The following ZEB2 variants were observed in gnomAD, a reference collection of about 807,000 sequenced individuals.
ZEB2 encodes the protein zinc finger E-box binding homeobox 2, also known as zinc finger E-box-binding homeobox 2.
Under a neutral mutation model 99.9 loss-of-function variants are expected in ZEB2, and 6 were observed. The observed-to-expected ratio is 0.06, with a 90% CI of 0.03 to 0.12. The LOEUF (loss-of-function observed/expected upper bound fraction) is 0.12, where lower values mean the gene tolerates loss of function less well. Ranked by LOEUF, ZEB2 falls within the 10% of genes least tolerant of loss-of-function variation. ZEB2 has a pLI of 1.00. For missense variants in ZEB2, 969 were observed against 1,502.8 expected (o/e 0.64, Z 5.87); for synonymous variants, 517 against 542.5 (o/e 0.95, Z 0.65).
At chr2:144,512,400 C>T in intron 2 of ZEB2, 1 of 1,287,206 alleles carries the variant, frequency 7.8e-7, no homozygotes, top group Non-Finnish European at 1.0e-6. Flanking sequence ...TCCTTTCCTA[C>T]CTTCAGGGTA....
chr2:144,491,373 A>C (rs1010304486), intron 2 of ZEB2, among the ~76,000 whole-genome samples: 2 of 150,120 alleles, frequency 1.3e-5, no homozygotes, highest in Non-Finnish European at 1.5e-5. Flanking sequence ...AAAAAAAAAA[A>C]ACGACCTAAT....
Position 144,388,322 on chromosome 2 carries a change from A to C in ZEB2, c.*1129T>G, listed in dbSNP as rs1703110131. 6.6e-6 allele frequency: 1 copy of C among 152,646 alleles called. No individual in the cohort carries two copies. The highest frequency in any genetic ancestry group is 1.5e-5 in the Non-Finnish European group (1 of 68,028). The allele number at this position is 152,646 out of a possible 1,614,324, so 9.5% of individuals were successfully genotyped here. A position where few individuals can be genotyped will look rare whatever the true frequency, so the allele number is the denominator to read the frequency against. On this transcript the variant is annotated 3_prime_UTR_variant, in exon 10 of 10. Transcript: ENST00000627532. The surrounding 1 kb of genome is among the most constrained non-coding windows in gnomAD (Gnocchi z 5.4). The stretch of plus-strand genomic sequence containing the variant: ...CATCTCACAATTAATGTTCCAAAAC[A>C]CAATAAATGCTCTTCTCTTTACGTA...
chr2:144,413,836 G>A (rs1191076204), intron 4 of ZEB2, among the ~76,000 whole-genome samples: 1 of 152,178 alleles, frequency 6.6e-6, no homozygotes, highest in African/African-American at 2.4e-5. Context: ...TTCTGTTACT[G>A]ATATAAGAAA....
At chr2:144,512,826 G>A (rs1394859684) in intron 2 of ZEB2, 8 of 1,287,206 alleles carry the variant, frequency 6.2e-6, no homozygotes, top group Non-Finnish European at 8.1e-6. Context: ...ACTTGCAGAA[G>A]ATCTCCACAG....
Position 144,389,872 on chromosome 2 carries a change from T to C in ZEB2, c.3224A>G (p.Asn1075Ser). Residue 1075 changes from asparagine (N) to serine (S), a missense_variant, in exon 10 of 10, where the codon AAT becomes AGT. Physicochemically the swap from Asn to Ser is conservative, Grantham distance 46. Transcript: ENST00000627532. This position sits in a 1 kb window ranked among gnomAD's most constrained non-coding sequence, Gnocchi z 6.8. The stretch of plus-strand genomic sequence containing the variant: ...CCGCTTGCAGTAGGAATACCTGTGA[T>C]TCATGTGCTGCGAGTACGAGCCCGA... The part of the protein sequence containing the change: ...SHSGSYSQHM[N>S]HRYSYCKREA... The C allele has an allele frequency of 6.2e-7, 1 of 1,613,906 alleles. No homozygotes were observed. The highest frequency in any genetic ancestry group is 8.5e-7 in the Non-Finnish European group (1 of 1,180,040).
At chr2:144,472,500 T>G (rs1704372224) in intron 2 of ZEB2, among the ~76,000 whole-genome samples, 1 of 152,040 alleles carries the variant, frequency 6.6e-6, no homozygotes. Flanking sequence ...AGCAAACATG[T>G]TAACAGTGCT....
At chr2:144,474,077 C>G (rs1387444526) in intron 2 of ZEB2, among the ~76,000 whole-genome samples, 1 of 152,046 alleles carries the variant, frequency 6.6e-6, no homozygotes, top group Non-Finnish European at 1.5e-5. Flanking sequence ...TGGCCTTGTC[C>G]GGGCAGTCCT....
chr2:144,515,564 C>T (rs1406223476), intron 2 of ZEB2, among the ~76,000 whole-genome samples: 3 of 151,342 alleles, frequency 2.0e-5, no homozygotes, highest in African/African-American at 7.3e-5. Flanking sequence ...TAAAAAGAAG[C>T]AGCCTGAACT....
chr2:144,443,921 T>C (rs1034667920), intron 2 of ZEB2, among the ~76,000 whole-genome samples: 2 of 151,052 alleles, frequency 1.3e-5, no homozygotes, highest in Non-Finnish European at 1.5e-5. Context: ...TCAGATGACA[T>C]AGCAATTTTT....
chr2:144,491,758 T>C (rs564485672), intron 2 of ZEB2, among the ~76,000 whole-genome samples: 1 of 152,258 alleles, frequency 6.6e-6, no homozygotes, highest in Non-Finnish European at 1.5e-5. Context: ...CTTCAGATAC[T>C]TATGGAGAAC....
Position 144,517,329 on chromosome 2 carries a change from C to T in ZEB2, c.22G>A (p.Asp8Asn), listed in dbSNP as rs867753561. Residue 8 changes from aspartate to asparagine, a missense_variant, in exon 2 of 10, where the codon GAT becomes AAT. By Grantham distance (23) the Asp-to-Asn change is conservative. This residue lies in a region of ZEB2 where 173 missense variants were observed against 217.7 expected (regional missense o/e 0.79). Transcript: ENST00000627532. MKQPIMA[D>N]GPRCKRRKQA... ...TTGCGCCTCTTGCACCGGGGGCCAT[C>T]CGCCATGATCGGCTGCTTCATTGAT... 1 of 1,613,610 alleles carries T rather than the reference C, an allele frequency of 6.2e-7. No individual in the cohort carries two copies. Among genetic ancestry groups the T allele is most frequent in the Non-Finnish European group, 8.5e-7 (1 of 1,179,864 alleles).
intron 2 of ZEB2, among the ~76,000 whole-genome samples, chr2:144,448,343 A>G: frequency 6.6e-6 from 1 of 152,170 alleles, no homozygotes; most frequent in East Asian, 1.9e-4. Context: ...CCATGCTGCC[A>G]CCCTATGAGG....
chr2:144,481,480 T>C (rs943328043), intron 2 of ZEB2, among the ~76,000 whole-genome samples: 5 of 152,170 alleles, frequency 3.3e-5, no homozygotes, highest in Admixed American at 1.3e-4. Context: ...CTAGAAATAG[T>C]TGGGGAAGGG....
chr2:144,445,265 C>CTTTTTTT (rs11287771), intron 2 of ZEB2, among the ~76,000 whole-genome samples: 3 of 74,192 alleles, frequency 4.0e-5, no homozygotes, highest in Non-Finnish European at 5.5e-5. Flanking sequence ...CTTTCCTCCT[C>CTTTTTTT]TTTTTTTTTT....
At chr2:144,393,220 A>AGTCCCAG (rs1384384594) in intron 9 of ZEB2, among the ~76,000 whole-genome samples, 1 of 152,218 alleles carries the variant, frequency 6.6e-6, no homozygotes. Flanking sequence ...CCTCTGTCCC[A>AGTCCCAG]GTCCCAGGTC....
intron 2 of ZEB2, among the ~76,000 whole-genome samples, chr2:144,510,728 CTTTCT>C (rs1158837805): frequency 6.6e-6 from 1 of 152,024 alleles, no homozygotes; most frequent in East Asian, 1.9e-4. Flanking sequence ...TTCTCTCTCT[CTTTCT>C]TTTCATCTTG....
chr2:144,416,269 T>G (rs1288255429), intron 4 of ZEB2, among the ~76,000 whole-genome samples: 4 of 152,206 alleles, frequency 2.6e-5, no homozygotes, highest in African/African-American at 9.7e-5. Context: ...CACTTCCATC[T>G]CTGTCCCTTA....
intron 2 of ZEB2, chr2:144,482,074 A>G (rs1021700638): frequency 6.6e-6 from 1 of 152,296 alleles, no homozygotes; most frequent in Non-Finnish European, 1.5e-5. Context: ...TGTACGCTCC[A>G]TAACTTTGAT....
intron 2 of ZEB2, chr2:144,507,373 G>A (rs1704964778): frequency 6.6e-6 from 1 of 152,102 alleles, no homozygotes; most frequent in Non-Finnish European, 1.5e-5. Flanking sequence ...AAGAATGAAA[G>A]GTAACCTGAA....
Sources: allele counts gnomAD v4.1 joint callset (sites outside exome capture counted in the v4.1 genomes callset), GRCh38; gene constraint gnomAD v4.1.1; regional missense constraint gnomAD v4.1.1; non-coding constraint Gnocchi (gnomAD v3.1); transcripts MANE v1.5; gene names NCBI Gene and HGNC (gene_info 2026-07-23, HGNC 2026-07-21).